Variants in STARD13 observed in about 807,000 individuals in gnomAD.
STARD13 encodes StAR related lipid transfer domain containing 13, also known as stAR-related lipid transfer protein 13.
STARD13 carries 62 observed loss-of-function variants against 106.4 expected under a neutral mutation model. The observed-to-expected ratio is 0.58, with a 90% CI of 0.48 to 0.72. STARD13 has a LOEUF of 0.72. STARD13 is among the 30% of genes least tolerant of loss of function. The pLI is 0.00. For missense variants in STARD13, 1,387 were observed against 1,424.0 expected (o/e 0.97, Z 0.42); for synonymous variants, 565 against 553.0 (o/e 1.02, Z -0.31).
the STARD13 span, among the ~76,000 whole-genome samples, chr13:33,470,101 A>G: frequency 6.6e-6 from 1 of 151,872 alleles, no homozygotes; most frequent in Non-Finnish European, 1.5e-5. Context: ...CTCTGTGTCC[A>G]TGTGTTCTCA....
Position 33,167,477 on chromosome 13 carries a change from A to C in STARD13, c.241+74T>G, listed in dbSNP as rs73467869. 1.7e-3 allele frequency: 2,545 copies of C among 1,498,602 alleles called. 23 individuals carry two copies. In the African/African-American group the frequency reaches 0.023, roughly 13 times the overall value. 92.8% of individuals were successfully genotyped at this position (1,498,602 alleles called of 1,614,324 possible). A position where few individuals can be genotyped will look rare whatever the true frequency, so the allele number is the denominator to read the frequency against. ...CGAGAAAAAAAAATCTGGAAGTCAA[A>C]ACACACCACAGGATACGTGTGGTTC... On this transcript the variant is annotated intron_variant, in intron 2 of 13. Transcript: ENST00000336934.
chr13:33,189,256 A>T (rs988898160), intron 1 of STARD13, among the ~76,000 whole-genome samples: 2 of 151,864 alleles, frequency 1.3e-5, no homozygotes, highest in African/African-American at 4.8e-5. Flanking sequence ...AAGTGGCTGT[A>T]TCTTTTAAAA....
At chr13:33,241,751 G>A (rs1037415921) in intron 1 of STARD13, among the ~76,000 whole-genome samples, 12 of 152,198 alleles carry the variant, frequency 7.9e-5, no homozygotes, top group Non-Finnish European at 1.0e-4. Flanking sequence ...AGTGTTGGCC[G>A]GGCTGGTCTC....
the STARD13 span, among the ~76,000 whole-genome samples, chr13:33,532,575 T>C: frequency 6.6e-6 from 1 of 152,342 alleles, no homozygotes; most frequent in South Asian, 2.1e-4. Flanking sequence ...GAAATTTTTC[T>C]ATCTTGAAGT....
chr13:33,108,920 G>A (rs7987141), intron 12 of STARD13, among the ~76,000 whole-genome samples: 7,107 of 152,236 alleles, frequency 0.047, 542 homozygotes, highest in African/African-American at 0.16. Context: ...TTCTCCAGCA[G>A]GATCCCAAGG....
the STARD13 span, among the ~76,000 whole-genome samples, chr13:33,437,037 C>T: frequency 6.6e-6 from 1 of 152,074 alleles, no homozygotes; most frequent in South Asian, 2.1e-4. Flanking sequence ...CTCATATTGT[C>T]TTATGCCCAA....
At chr13:33,173,045 C>T (rs1884149368) in intron 1 of STARD13, among the ~76,000 whole-genome samples, 1 of 152,084 alleles carries the variant, frequency 6.6e-6, no homozygotes, top group African/African-American at 2.4e-5. Flanking sequence ...TTTAAACTGG[C>T]CTATTTGGTG....
chr13:33,231,113 G>T (rs1169444258), intron 1 of STARD13, among the ~76,000 whole-genome samples: 2 of 152,208 alleles, frequency 1.3e-5, no homozygotes, highest in Non-Finnish European at 2.9e-5. Context: ...TCCTCAGTTG[G>T]CTGAGTGAGT....
At chr13:33,235,688 G>A (rs1889152434) in intron 1 of STARD13, among the ~76,000 whole-genome samples, 1 of 152,164 alleles carries the variant, frequency 6.6e-6, no homozygotes, top group Admixed American at 6.5e-5. Context: ...AGGACACCAG[G>A]AGCCAAGGAA....
intron 1 of STARD13, among the ~76,000 whole-genome samples, chr13:33,273,517 A>G (rs1891263699): frequency 6.6e-6 from 1 of 152,228 alleles, no homozygotes; most frequent in Non-Finnish European, 1.5e-5. Flanking sequence ...AGAATCCACA[A>G]TGTTTAATTG....
At chr13:33,593,258 C>G in the STARD13 span, among the ~76,000 whole-genome samples, 8 of 152,070 alleles carry the variant, frequency 5.3e-5, no homozygotes, top group Non-Finnish European at 1.2e-4. Flanking sequence ...GATCTCTACC[C>G]ACTGCAACCT....
chr13:33,430,218 T>G, the STARD13 span, among the ~76,000 whole-genome samples: 1 of 152,188 alleles, frequency 6.6e-6, no homozygotes, highest in African/African-American at 2.4e-5. Flanking sequence ...CGCCTGGCCT[T>G]AATTGTACAT....
intron 4 of STARD13, 109 bp downstream of exon 4, chr13:33,142,195 TTTATTA>T: frequency 1.2e-6 from 1 of 812,432 alleles, no homozygotes; most frequent in Non-Finnish European, 2.0e-6. Context: ...GCCCAGCTAA[TTTATTA>T]TTATTATTTT....
the STARD13 span, among the ~76,000 whole-genome samples, chr13:33,522,332 C>G: frequency 6.6e-6 from 1 of 152,026 alleles, no homozygotes; most frequent in Admixed American, 6.6e-5. Flanking sequence ...GCCCACTGTA[C>G]CCTGGAGTGG....
the STARD13 span, among the ~76,000 whole-genome samples, chr13:33,456,381 A>G: frequency 9.2e-5 from 14 of 151,908 alleles, no homozygotes; most frequent in African/African-American, 3.1e-4. Flanking sequence ...GTAGAGATGG[A>G]GTTTCACCAT....
At chr13:33,670,824 A>G in the STARD13 span, among the ~76,000 whole-genome samples, 17 of 152,322 alleles carry the variant, frequency 1.1e-4, no homozygotes, top group South Asian at 2.9e-3. Flanking sequence ...AGCTAGGCCC[A>G]TATTTCTTCA....
Position 33,350,280 on chromosome 13 carries a change from G to T in STARD13, c.124+10C>A, listed in dbSNP as rs1295655802. 13 of 1,528,394 alleles carry T rather than the reference G, an allele frequency of 8.5e-6. No individual in the cohort carries two copies. The East Asian group carries it at 3.2e-4, about 38-fold the overall frequency. 94.7% of individuals were successfully genotyped at this position (1,528,394 alleles called of 1,614,324 possible). A position where few individuals can be genotyped will look rare whatever the true frequency, so the allele number is the denominator to read the frequency against. On this transcript the variant is annotated intron_variant, in intron 1 of 1. Coordinates refer to the STARD13 transcript ENST00000439831. ...GCCCCCGTGGGTCGCGGCGTCTCCGGGGCACTGACCTGCCAGCCGCCTCTC... is the reference window on the plus strand; with the variant it reads ...GCCCCCGTGGGTCGCGGCGTCTCCGTGGCACTGACCTGCCAGCCGCCTCTC...
intron 1 of STARD13, among the ~76,000 whole-genome samples, chr13:33,301,484 A>G (rs538828159): frequency 6.6e-6 from 1 of 152,052 alleles, no homozygotes; most frequent in African/African-American, 2.4e-5. Flanking sequence ...GAAGACTCAA[A>G]GCTGCTGGTA....
At chr13:33,485,147 G>T in the STARD13 span, among the ~76,000 whole-genome samples, 1 of 152,116 alleles carries the variant, frequency 6.6e-6, no homozygotes, top group Admixed American at 6.6e-5. Flanking sequence ...TTGGTAAATT[G>T]CAAATGCAAT....
Sources: gnomAD v4.1 joint callset for allele counts (sites outside exome capture counted in the v4.1 genomes callset) on GRCh38, gnomAD v4.1.1 for gene constraint, MANE v1.5 for transcripts, NCBI Gene and HGNC (gene_info 2026-07-23, HGNC 2026-07-21) for gene names.